Variants in HS3ST5 observed in about 807,000 individuals in gnomAD.
The protein encoded by HS3ST5 is heparan sulfate-glucosamine 3-sulfotransferase 5.
HS3ST5 carries 10 observed loss-of-function variants against 25.4 expected under a neutral mutation model. The observed-to-expected ratio is 0.39, with a 90% CI of 0.24 to 0.67. The LOEUF is 0.67. Among genes scored for constraint, HS3ST5 ranks in the 30% least tolerant of loss-of-function variants. HS3ST5 has a pLI of 0.44. For synonymous variants in HS3ST5, 170 were observed against 162.4 expected, an observed-to-expected ratio of 1.05 and a Z score of -0.36; for missense variants, 324 against 420.7, an observed-to-expected ratio of 0.77 and a Z score of 2.01.
In HS3ST5 at chr6:114,157,262, T is replaced by A. The variant is rs61420861; in HGVS notation, c.-33+11089A>T. 2.6e-5 allele frequency among the ~76,000 whole-genome samples: 4 copies of A among 152,220 alleles called. No homozygotes were observed. The East Asian group carries it at 7.7e-4, about 29-fold the overall frequency. On this transcript the variant is annotated intron_variant, in intron 3 of 4. Transcript: ENST00000312719. ...TTCAGACCAGTGTAACCTTCTACTC[T>A]GTTTACTGCCCCAGCCTCTTAACTG...
At chr6:114,280,032 A>G (rs1029239292) in intron 1 of HS3ST5, among the ~76,000 whole-genome samples, 1 of 151,964 alleles carries the variant, frequency 6.6e-6, no homozygotes, top group African/African-American at 2.4e-5. Context: ...AGGAAAGGAT[A>G]CAGGAAGGGA....
At chr6:114,339,494 T>C (rs1776740726) in intron 1 of HS3ST5, among the ~76,000 whole-genome samples, 1 of 150,374 alleles carries the variant, frequency 6.7e-6, no homozygotes, top group Admixed American at 6.6e-5. Context: ...CGTTACTGTT[T>C]CTGAGATTGT....
intron 3 of HS3ST5, among the ~76,000 whole-genome samples, chr6:114,064,703 C>A (rs1773345952): frequency 6.6e-6 from 1 of 152,202 alleles, no homozygotes; most frequent in African/African-American, 2.4e-5. Context: ...GTGGAGAAGA[C>A]AGGCATTAAG....
At chr6:114,318,444 T>G (rs1428612840) in intron 1 of HS3ST5, among the ~76,000 whole-genome samples, 2 of 152,130 alleles carry the variant, frequency 1.3e-5, no homozygotes, top group Admixed American at 6.6e-5. Context: ...TTAAGTAGAT[T>G]TTTTTTAATA....
At chr6:114,235,496 A>C (rs1771813933) in intron 1 of HS3ST5, 1 of 152,044 alleles carries the variant, frequency 6.6e-6, no homozygotes, top group African/African-American at 2.4e-5. Context: ...TACTCCATTA[A>C]AGAGATCTAA....
At chr6:114,242,868 A>AG (rs1772202932) in intron 1 of HS3ST5, among the ~76,000 whole-genome samples, 1 of 151,800 alleles carries the variant, frequency 6.6e-6, no homozygotes, top group Admixed American at 6.6e-5. Context: ...TCAAAAAAAA[A>AG]AAAAAAAAGA....
intron 3 of HS3ST5, among the ~76,000 whole-genome samples, chr6:114,128,742 G>A (rs1379105284): frequency 1.3e-5 from 2 of 152,196 alleles, no homozygotes; most frequent in Non-Finnish European, 2.9e-5. Flanking sequence ...TAAGACAACT[G>A]CTGAGAGTAA....
intron 2 of HS3ST5, among the ~76,000 whole-genome samples, chr6:114,222,276 T>A (rs886123898): frequency 6.6e-6 from 1 of 152,010 alleles, no homozygotes; most frequent in South Asian, 2.1e-4. Context: ...GTTATAATTG[T>A]TTTTTATTGC....
At chr6:114,265,072 A>G (rs998924837) in intron 1 of HS3ST5, among the ~76,000 whole-genome samples, 2 of 151,816 alleles carry the variant, frequency 1.3e-5, no homozygotes, top group African/African-American at 4.8e-5. Context: ...TTTGGTAGAG[A>G]TGGGGTCTTG....
intron 3 of HS3ST5, among the ~76,000 whole-genome samples, chr6:114,113,601 G>A (rs1776374677): frequency 6.6e-6 from 1 of 151,826 alleles, no homozygotes; most frequent in Non-Finnish European, 1.5e-5. Flanking sequence ...TGCTAGCCAA[G>A]CAAGCCTAAA....
chr6:114,184,723 A>G (rs1780136495), intron 2 of HS3ST5, among the ~76,000 whole-genome samples: 1 of 152,248 alleles, frequency 6.6e-6, no homozygotes, highest in Non-Finnish European at 1.5e-5. Flanking sequence ...TGCCAGGTAG[A>G]ACCATGGGGA....
At chr6:114,090,238 C>T (rs927262668) in intron 3 of HS3ST5, among the ~76,000 whole-genome samples, 1 of 152,084 alleles carries the variant, frequency 6.6e-6, no homozygotes, top group Non-Finnish European at 1.5e-5. Context: ...ACACATTCTC[C>T]GTCTGTGTAA....
At chr6:114,217,274 A>G (rs993597654) in intron 2 of HS3ST5, among the ~76,000 whole-genome samples, 10 of 152,238 alleles carry the variant, frequency 6.6e-5, no homozygotes, top group Non-Finnish European at 1.5e-4. Context: ...GGTTATGATG[A>G]CAAAGTCATT....
intron 3 of HS3ST5, among the ~76,000 whole-genome samples, chr6:114,144,655 C>T (rs763601636): frequency 2.6e-5 from 4 of 152,114 alleles, no homozygotes; most frequent in Non-Finnish European, 4.4e-5. Flanking sequence ...TTGTTTTAAA[C>T]ATATTTTAAC....
chr6:114,268,570 A>C (rs1214781640), intron 1 of HS3ST5, among the ~76,000 whole-genome samples: 1 of 152,230 alleles, frequency 6.6e-6, no homozygotes, highest in Non-Finnish European at 1.5e-5. Context: ...TTCCCAAAAT[A>C]TGAAAGAAGG....
At chr6:114,296,956 G>C (rs1774850063) in intron 1 of HS3ST5, among the ~76,000 whole-genome samples, 1 of 152,144 alleles carries the variant, frequency 6.6e-6, no homozygotes, top group Non-Finnish European at 1.5e-5. Context: ...AAAGTTGAAA[G>C]GGGGTCTTGC....
intron 2 of HS3ST5, among the ~76,000 whole-genome samples, chr6:114,221,995 A>T (rs886155124): frequency 3.6e-4 from 54 of 150,044 alleles, no homozygotes; most frequent in Admixed American, 2.4e-3. Flanking sequence ...TGAATATCAA[A>T]TGTAGAGAAG....
At chr6:114,315,389 A>G (rs1582810731) in intron 1 of HS3ST5, among the ~76,000 whole-genome samples, 1 of 152,152 alleles carries the variant, frequency 6.6e-6, no homozygotes, top group East Asian at 1.9e-4. Context: ...CACATATTTA[A>G]GGGGTGGTTT....
chr6:114,100,161 G>A (rs979767479), intron 3 of HS3ST5, among the ~76,000 whole-genome samples: 1 of 152,140 alleles, frequency 6.6e-6, no homozygotes, highest in Admixed American at 6.6e-5. Flanking sequence ...GCCTACATGT[G>A]TGTTACGAAC....
Sources: gnomAD v4.1 joint callset for allele counts (sites outside exome capture counted in the v4.1 genomes callset) on GRCh38, gnomAD v4.1.1 for gene constraint, MANE v1.5 for transcripts, NCBI Gene and HGNC (gene_info 2026-07-23, HGNC 2026-07-21) for gene names.